The following KLF8 variants were observed in gnomAD, a reference collection of about 807,000 sequenced individuals.
KLF8 encodes KLF transcription factor 8, also known as Krueppel-like factor 8.
In KLF8, 10 loss-of-function variants were observed where a neutral mutation model predicts 18.2. That is an observed-to-expected ratio of 0.55 (90% CI 0.34 to 0.93). The LOEUF is 0.93. KLF8 is among the 40% of genes least tolerant of loss of function. The probability of loss-of-function intolerance (pLI) is 0.02; values close to 1 mark genes in which losing one functional copy is unlikely to be tolerated. For synonymous variants in KLF8, 109 were observed against 97.3 expected (o/e 1.12, Z -0.71); for missense variants, 264 against 277.9 (o/e 0.95, Z 0.36).
At chrX:55,946,311 G>C in the KLF8 span, among the ~76,000 whole-genome samples, 2 of 111,269 alleles carry the variant, frequency 1.8e-5, no homozygotes, top group Non-Finnish European at 3.8e-5. Flanking sequence ...GAATAGAACA[G>C]AGCCCTCAGA....
chrX:56,135,321 A>G, the KLF8 span, among the ~76,000 whole-genome samples: 1 of 111,614 alleles, frequency 9.0e-6, no homozygotes. Context: ...ACAATCATAG[A>G]CTGGATTAAG....
the KLF8 span, among the ~76,000 whole-genome samples, chrX:55,912,916 A>G: frequency 8.9e-6 from 1 of 111,818 alleles, no homozygotes; most frequent in South Asian, 3.7e-4. Context: ...GCACAGCAAA[A>G]TCAAGCAACT....
At chrX:56,075,481 C>G in the KLF8 span, among the ~76,000 whole-genome samples, 2 of 111,540 alleles carry the variant, frequency 1.8e-5, no homozygotes, top group Admixed American at 1.9e-4. Flanking sequence ...ACATGAGATA[C>G]TCATCCACTC....
At chrX:55,942,371 G>C in the KLF8 span, among the ~76,000 whole-genome samples, 1 of 109,709 alleles carries the variant, frequency 9.1e-6, no homozygotes, top group African/African-American at 3.3e-5. Context: ...CTGTTGTGGG[G>C]TGGGGGGTGG....
chrX:56,131,719 G>T, the KLF8 span, among the ~76,000 whole-genome samples: 1 of 111,705 alleles, frequency 9.0e-6, no homozygotes, highest in Non-Finnish European at 1.9e-5. Flanking sequence ...CAACAACCAA[G>T]TATCTGCTGC....
At chrX:56,231,383 A>G (rs1362919105), upstream of KLF8, among the ~76,000 whole-genome samples, 1 of 112,167 alleles carries the variant, frequency 8.9e-6, no homozygotes, top group Admixed American at 9.4e-5. Context: ...AATAAAGGGC[A>G]CAGAGAATAT....
At chrX:56,016,675 G>C in the KLF8 span, among the ~76,000 whole-genome samples, 3 of 111,172 alleles carry the variant, frequency 2.7e-5, no homozygotes, top group Non-Finnish European at 5.7e-5. Context: ...ACTTATCCAA[G>C]GTCAAACAAC....
the KLF8 span, among the ~76,000 whole-genome samples, chrX:56,168,704 G>T: frequency 9.7e-6 from 1 of 102,694 alleles, no homozygotes; most frequent in African/African-American, 3.6e-5. Context: ...GTGTCCAAGT[G>T]TTCTCATTGT....
At chrX:56,113,624 A>C in the KLF8 span, among the ~76,000 whole-genome samples, 1 of 107,162 alleles carries the variant, frequency 9.3e-6, no homozygotes, top group Non-Finnish European at 1.9e-5. Flanking sequence ...GAAAAAAAGA[A>C]ATGAAAAAAC....
the KLF8 span, among the ~76,000 whole-genome samples, chrX:56,060,333 G>A: frequency 9.0e-5 from 10 of 111,439 alleles, no homozygotes; most frequent in East Asian, 2.0e-3. Context: ...GTTATAAATA[G>A]TTCTTGTTAT....
intron 2 of KLF8, among the ~76,000 whole-genome samples, chrX:56,258,952 G>T (rs983830361): frequency 1.8e-5 from 2 of 111,341 alleles, no homozygotes; most frequent in African/African-American, 6.5e-5. Flanking sequence ...TAGTGGGTGG[G>T]TGTGTAGCTC....
chrX:55,966,528 T>G, the KLF8 span, among the ~76,000 whole-genome samples: 2 of 112,064 alleles, frequency 1.8e-5, no homozygotes, highest in Admixed American at 9.4e-5. Context: ...CCTCTATGAG[T>G]CTGCAAGAAC....
upstream of KLF8, among the ~76,000 whole-genome samples, chrX:56,229,118 C>T (rs1168366981): frequency 1.8e-5 from 2 of 110,549 alleles, no homozygotes; most frequent in African/African-American, 3.3e-5. Flanking sequence ...AGTCCTCTTA[C>T]TGAGGCTTTT....
chrX:56,051,547 T>C, the KLF8 span, among the ~76,000 whole-genome samples: 1 of 110,937 alleles, frequency 9.0e-6, no homozygotes, highest in Admixed American at 9.6e-5. Flanking sequence ...TGGCTGGATA[T>C]GAAATTCTGG....
the KLF8 span, among the ~76,000 whole-genome samples, chrX:55,944,066 T>G: frequency 8.9e-6 from 1 of 112,314 alleles, no homozygotes; most frequent in Non-Finnish European, 1.9e-5. Flanking sequence ...GTTAAAGGCC[T>G]TTTCTGCATC....
At chrX:56,183,913 A>T in the KLF8 span, among the ~76,000 whole-genome samples, 1 of 111,682 alleles carries the variant, frequency 9.0e-6, no homozygotes, top group Admixed American at 9.5e-5. Flanking sequence ...GAATAGGAAC[A>T]GCTCTGGTCT....
the KLF8 span, among the ~76,000 whole-genome samples, chrX:56,205,213 G>T: frequency 1.8e-5 from 2 of 111,031 alleles, no homozygotes; most frequent in Admixed American, 9.7e-5. Flanking sequence ...TTTTAACAAA[G>T]GATGTATTTT....
chrX:56,120,717 G>A, the KLF8 span, among the ~76,000 whole-genome samples: 1 of 111,342 alleles, frequency 9.0e-6, no homozygotes, highest in South Asian at 3.8e-4. Flanking sequence ...GAAGGTGAGA[G>A]AAAAAGAGAA....
chrX:56,275,403 G>A (rs1282912430), intron 5 of KLF8, among the ~76,000 whole-genome samples: 4 of 110,724 alleles, frequency 3.6e-5, no homozygotes, highest in Non-Finnish European at 7.6e-5. Context: ...TCTTTTTCTG[G>A]AGGCTTTAGG....
Sources: gnomAD v4.1 joint callset for allele counts (sites outside exome capture counted in the v4.1 genomes callset) on GRCh38, gnomAD v4.1.1 for gene constraint, MANE v1.5 for transcripts, NCBI Gene and HGNC (gene_info 2026-07-23, HGNC 2026-07-21) for gene names.